SPRED1: variants seen among roughly 807,000 people sequenced by gnomAD.
SPRED1 encodes the protein sprouty related EVH1 domain containing 1, also known as sprouty-related, EVH1 domain-containing protein 1.
A neutral mutation model predicts 52.3 loss-of-function variants in SPRED1; 18 were observed. That is an observed-to-expected ratio of 0.34 (90% CI 0.24 to 0.51). SPRED1 has a LOEUF of 0.51. Ranked by LOEUF, SPRED1 falls within the 20% of genes least tolerant of loss-of-function variation. The pLI, the probability that SPRED1 is intolerant of heterozygous loss-of-function variation, is 0.97. For synonymous variants in SPRED1, 155 were observed against 179.7 expected (o/e 0.86, Z 1.10); for missense variants, 485 against 551.0 (o/e 0.88, Z 1.20).
intron 2 of SPRED1, among the ~76,000 whole-genome samples, chr15:38,317,535 A>G (rs1895512030): frequency 6.6e-6 from 1 of 151,984 alleles, no homozygotes; most frequent in Non-Finnish European, 1.5e-5. Flanking sequence ...GTAATTCAGC[A>G]TTGAACTCTG....
intron 1 of SPRED1, among the ~76,000 whole-genome samples, chr15:38,254,485 A>G (rs1185381750): frequency 6.6e-6 from 1 of 152,064 alleles, no homozygotes; most frequent in African/African-American, 2.4e-5. Flanking sequence ...AATCGCCCTC[A>G]TTTGCATAGC....
At chr15:38,285,685 A>G (rs1294321509) in intron 1 of SPRED1, among the ~76,000 whole-genome samples, 1 of 152,168 alleles carries the variant, frequency 6.6e-6, no homozygotes, top group Non-Finnish European at 1.5e-5. Context: ...TGCGTGAAAT[A>G]TGTGGCTCTT....
In SPRED1 at chr15:38,327,707, A is replaced by T. The variant is rs187219926; in HGVS notation, c.423+2898A>T. Among the ~76,000 whole-genome samples, 93 of 152,316 alleles carry T rather than the reference A, an allele frequency of 6.1e-4. 1 individual carries two copies. Among genetic ancestry groups the T allele is most frequent in the African/African-American group, 2.2e-3 (91 of 41,568 alleles). On this transcript the variant is annotated intron_variant, in intron 4 of 6. Transcript: ENST00000299084. ...AATTACAGCCACTGCTAATATCCTGACTAGAACTTCATGGGGACTATGAGC... is the reference window on the plus strand; with the variant it reads ...AATTACAGCCACTGCTAATATCCTGTCTAGAACTTCATGGGGACTATGAGC...
At chr15:38,277,437 A>G (rs1894582458) in intron 1 of SPRED1, among the ~76,000 whole-genome samples, 1 of 152,222 alleles carries the variant, frequency 6.6e-6, no homozygotes, top group African/African-American at 2.4e-5. Flanking sequence ...ATGTTGCTGC[A>G]GAGGACATGA....
In SPRED1 at chr15:38,341,020, T is replaced by C. The variant is rs892562267; in HGVS notation, c.582+1125T>C. 2.7e-4 allele frequency among the ~76,000 whole-genome samples: 35 copies of C among 127,510 alleles called. 1 individual carries two copies. The highest frequency in any genetic ancestry group is 2.1e-3 in the South Asian group (8 of 3,782). The allele number at this position is 127,510 out of a possible 152,430, so 83.7% of individuals were successfully genotyped here. A position where few individuals can be genotyped will look rare whatever the true frequency, so the allele number is the denominator to read the frequency against. On this transcript the variant is annotated intron_variant, in intron 5 of 6. Coordinates refer to ENST00000299084, the MANE Select transcript of SPRED1 (RefSeq NM_152594.3). ...ATTTTTTTTTTTTTTTTTTAGATGG[T>C]TTTGAATTACGGAATTAGTTTCTTT...
intron 2 of SPRED1, among the ~76,000 whole-genome samples, chr15:38,310,150 T>TGC (rs1566863225): frequency 1.4e-5 from 2 of 141,868 alleles, no homozygotes; most frequent in African/African-American, 5.3e-5. Flanking sequence ...TGTGTGTGTG[T>TGC]GTGTTTGGAG....
rs923639936 is a variant in SPRED1, at chr15:38,357,033, GC to G, written c.*5370del. The stretch of plus-strand genomic sequence containing the variant: ...TTAATACCCACAAGTAAGTAGAATA[GC>G]TTTTATAACAAGGAAATTGAAACTA... On this transcript the variant is annotated 3_prime_UTR_variant, in exon 7 of 7. Transcript: ENST00000299084. The G allele has an allele frequency of 1.3e-5, 2 of 152,118 alleles. No individual in the cohort carries two copies. Among genetic ancestry groups the G allele is most frequent in the African/African-American group, 4.8e-5 (2 of 41,436 alleles). 9.4% of individuals were successfully genotyped at this position (152,118 alleles called of 1,614,324 possible).
intron 1 of SPRED1, among the ~76,000 whole-genome samples, chr15:38,272,975 G>A (rs1013607476): frequency 2.0e-5 from 3 of 152,100 alleles, no homozygotes; most frequent in South Asian, 2.1e-4. Flanking sequence ...ATTTTCTCCC[G>A]TTCTGTAGGT....
intron 1 of SPRED1, among the ~76,000 whole-genome samples, chr15:38,296,361 A>G (rs1895039879): frequency 6.6e-6 from 1 of 152,148 alleles, no homozygotes; most frequent in Non-Finnish European, 1.5e-5. Context: ...TTTTGCCAAT[A>G]TGTAAATTTG....
chr15:38,272,604 A>G (rs8039197), intron 1 of SPRED1, among the ~76,000 whole-genome samples: 125,507 of 152,076 alleles, frequency 0.83, 52,544 homozygotes, highest in Non-Finnish European at 0.9. Flanking sequence ...TATTTGAGAA[A>G]TCTCCAAACT....
At chr15:38,304,722 C>G (rs565002358) in intron 2 of SPRED1, among the ~76,000 whole-genome samples, 48 of 152,110 alleles carry the variant, frequency 3.2e-4, no homozygotes, top group Non-Finnish European at 6.3e-4. Context: ...TCCTGGATCT[C>G]GTTGTTACCC....
intron 1 of SPRED1, among the ~76,000 whole-genome samples, chr15:38,280,771 T>G (rs1443177062): frequency 6.6e-6 from 1 of 152,164 alleles, no homozygotes; most frequent in Non-Finnish European, 1.5e-5. Context: ...TCTTATAACT[T>G]AAAAATAACT....
At chr15:38,274,638 A>G (rs771387273) in intron 1 of SPRED1, among the ~76,000 whole-genome samples, 5 of 152,208 alleles carry the variant, frequency 3.3e-5, no homozygotes, top group Non-Finnish European at 7.3e-5. Flanking sequence ...ATCTATTGAT[A>G]TTATTGAAAT....
In SPRED1 at chr15:38,350,997, A is replaced by C; in HGVS notation, c.685-17A>C. 1 of 1,608,746 alleles carries C rather than the reference A, an allele frequency of 6.2e-7. No individual in the cohort carries two copies. The highest frequency in any genetic ancestry group is 8.5e-7 in the Non-Finnish European group (1 of 1,178,118). ...CATCATAGCCCTCATTGCAGTTTTTATCTGTTTCTTTTTTAGGTCCCTTTG... is the reference window on the plus strand; with the variant it reads ...CATCATAGCCCTCATTGCAGTTTTTCTCTGTTTCTTTTTTAGGTCCCTTTG... On this transcript the variant is annotated splice_polypyrimidine_tract_variant and intron_variant, in intron 6 of 6. Coordinates refer to ENST00000299084, the MANE Select transcript of SPRED1 (RefSeq NM_152594.3).
chr15:38,255,933 C>T (rs1409744776), intron 1 of SPRED1, among the ~76,000 whole-genome samples: 3 of 152,108 alleles, frequency 2.0e-5, no homozygotes, highest in Non-Finnish European at 4.4e-5. Context: ...AACCATTAAC[C>T]CTTTCTAGAT....
At chr15:38,337,449 T>G (rs1895944934) in intron 4 of SPRED1, among the ~76,000 whole-genome samples, 1 of 152,182 alleles carries the variant, frequency 6.6e-6, no homozygotes, top group Non-Finnish European at 1.5e-5. Flanking sequence ...TGAGACCCGT[T>G]TAGGTGTGTA....
intron 1 of SPRED1, among the ~76,000 whole-genome samples, chr15:38,292,529 A>G (rs533028121): frequency 8.5e-5 from 13 of 152,304 alleles, no homozygotes; most frequent in Admixed American, 3.3e-4. Flanking sequence ...CCTCAGAATC[A>G]TGGTGGGAGG....
In SPRED1 at chr15:38,312,529, A is replaced by G. The variant is rs536108826; in HGVS notation, c.208-9712A>G. Among the ~76,000 whole-genome samples, 5 of 152,202 alleles carry G rather than the reference A, an allele frequency of 3.3e-5. No individual in the cohort carries two copies. In the East Asian group the frequency reaches 9.7e-4, roughly 29 times the overall value. ...TGGGTAGAATTCCCCTACAGTATCTATAAAAGGTGGTGACATTCTTGTTCT... is the reference window on the plus strand; with the variant it reads ...TGGGTAGAATTCCCCTACAGTATCTGTAAAAGGTGGTGACATTCTTGTTCT... On this transcript the variant is annotated intron_variant, in intron 2 of 6. Transcript: ENST00000299084.
intron 4 of SPRED1, among the ~76,000 whole-genome samples, chr15:38,337,725 G>A (rs1895949256): frequency 6.6e-6 from 1 of 151,866 alleles, no homozygotes; most frequent in South Asian, 2.1e-4. Context: ...TTTAAAGTCA[G>A]CTTTATTTTA....
Sources: gnomAD v4.1 joint callset for allele counts (sites outside exome capture counted in the v4.1 genomes callset) on GRCh38, gnomAD v4.1.1 for gene constraint, MANE v1.5 for transcripts, NCBI Gene and HGNC (gene_info 2026-07-23, HGNC 2026-07-21) for gene names.